The following ROCK2 variants were observed in gnomAD, a reference collection of about 807,000 sequenced individuals.
ROCK2 encodes the protein Rho associated coiled-coil containing protein kinase 2.
A neutral mutation model predicts 195.1 loss-of-function variants in ROCK2; 61 were observed. The ratio of observed to expected loss-of-function variants is 0.31; its 90% CI spans 0.25 to 0.39. The LOEUF is 0.39. ROCK2 is among the 10% of genes least tolerant of loss of function. The pLI is 1.00. For synonymous variants in ROCK2, 504 were observed against 545.5 expected (o/e 0.92, Z 1.06); for missense variants, 1,109 against 1,637.4 (o/e 0.68, Z 5.57).
chr2:11,233,195 T>C (rs776899664), intron 5 of ROCK2, among the ~76,000 whole-genome samples: 2 of 152,142 alleles, frequency 1.3e-5, no homozygotes, highest in Non-Finnish European at 2.9e-5. Flanking sequence ...GCCTGGGCAA[T>C]AGAGGAGACC....
intron 1 of ROCK2, among the ~76,000 whole-genome samples, chr2:11,303,183 T>C (rs545241259): frequency 6.6e-6 from 1 of 152,342 alleles, no homozygotes; most frequent in Admixed American, 6.5e-5. Flanking sequence ...ATCTTCAGGA[T>C]CCTCCAGGAT....
At chr2:11,281,830 A>C (rs1667013442) in intron 3 of ROCK2, among the ~76,000 whole-genome samples, 1 of 152,180 alleles carries the variant, frequency 6.6e-6, no homozygotes, top group South Asian at 2.1e-4. Context: ...GAAAACTACA[A>C]AACTCTGATG....
chr2:11,253,736 A>ATTTAT (rs1665917971), intron 3 of ROCK2, among the ~76,000 whole-genome samples: 1 of 152,272 alleles, frequency 6.6e-6, no homozygotes, highest in Admixed American at 6.5e-5. Flanking sequence ...ATCTGCAAAA[A>ATTTAT]TTTATTTTAA....
chr2:11,239,551 T>C (rs9287728), intron 4 of ROCK2, among the ~76,000 whole-genome samples: 135,061 of 152,156 alleles, frequency 0.89, 60,104 homozygotes, highest in East Asian at 0.99. Flanking sequence ...GAAATATATC[T>C]GCCAAAGACT....
At chr2:11,204,583 C>T (rs1317979277) in intron 20 of ROCK2, among the ~76,000 whole-genome samples, 1 of 151,910 alleles carries the variant, frequency 6.6e-6, no homozygotes, top group African/African-American at 2.4e-5. Context: ...TAGAACAGTC[C>T]CTCTGGGCCT....
intron 3 of ROCK2, among the ~76,000 whole-genome samples, chr2:11,264,403 G>C (rs1572331562): frequency 6.8e-6 from 1 of 147,512 alleles, no homozygotes; most frequent in Non-Finnish European, 1.5e-5. Flanking sequence ...AGAAAAAAGA[G>C]TAATCAGTGA....
intron 1 of ROCK2, among the ~76,000 whole-genome samples, chr2:11,342,205 A>T (rs1239143912): frequency 6.6e-6 from 1 of 152,218 alleles, no homozygotes; most frequent in Admixed American, 6.5e-5. Context: ...AACTAGAAAC[A>T]GCAATAACAG....
intron 2 of ROCK2, among the ~76,000 whole-genome samples, chr2:11,287,076 TA>T (rs1160054083): frequency 6.6e-6 from 1 of 152,194 alleles, no homozygotes; most frequent in Non-Finnish European, 1.5e-5. Flanking sequence ...TAACTATAGA[TA>T]AGATTGTTTA....
At chr2:11,285,610 T>C (rs539207926) in intron 3 of ROCK2, among the ~76,000 whole-genome samples, 8 of 152,068 alleles carry the variant, frequency 5.3e-5, no homozygotes, top group Admixed American at 5.2e-4. Flanking sequence ...GTAGATCCCT[T>C]GAGTCCAGAA....
At chr2:11,190,685 A>G (rs1389625136) in intron 32 of ROCK2, among the ~76,000 whole-genome samples, 1 of 152,178 alleles carries the variant, frequency 6.6e-6, no homozygotes, top group Non-Finnish European at 1.5e-5. Flanking sequence ...ATTCCATAGG[A>G]CTATTTTAAA....
chr2:11,339,542 CA>C (rs11309296), intron 1 of ROCK2, among the ~76,000 whole-genome samples: 103,213 of 144,994 alleles, frequency 0.71, 40,143 homozygotes, highest in East Asian at 0.98. Context: ...AAAAAAAAAA[CA>C]AAAAAAAAAG....
chr2:11,196,437 G>A (rs960260308), intron 27 of ROCK2, among the ~76,000 whole-genome samples: 2 of 152,118 alleles, frequency 1.3e-5, no homozygotes, highest in Admixed American at 6.5e-5. Flanking sequence ...GAAACCATGC[G>A]CTCTTAAGCA....
chr2:11,189,065 AGATGTAAT>A (rs1383322265), intron 32 of ROCK2, among the ~76,000 whole-genome samples: 1 of 152,074 alleles, frequency 6.6e-6, no homozygotes, highest in Non-Finnish European at 1.5e-5. Context: ...GAAGAGAAAA[AGATGTAAT>A]GATGTAATGG....
chr2:11,271,841 C>CA (rs1472217763), intron 3 of ROCK2, among the ~76,000 whole-genome samples: 5 of 151,966 alleles, frequency 3.3e-5, no homozygotes, highest in Admixed American at 2.0e-4. Context: ...TCCTGGCTAA[C>CA]ACGGTGAAAC....
Position 11,180,883 on chromosome 2 carries a change from C to T in ROCK2, c.*2554G>A, listed in dbSNP as rs1034158928. The T allele has an allele frequency of 1.3e-5, 2 of 152,080 alleles. No individual in the cohort carries two copies. Among genetic ancestry groups the T allele is most frequent in the Non-Finnish European group, 2.9e-5 (2 of 68,012 alleles). 9.4% of individuals were successfully genotyped at this position (152,080 alleles called of 1,614,324 possible). On this transcript the variant is annotated 3_prime_UTR_variant, in exon 33 of 33. Coordinates refer to ENST00000315872, the MANE Select transcript of ROCK2 (RefSeq NM_004850.5). ...TAAAAAGCGAATTCTTACCCAAGGT[C>T]AGAATTTTTTATTAAGCGCATTTTC...
chr2:11,339,796 A>G (rs1328513564), intron 1 of ROCK2, among the ~76,000 whole-genome samples: 1 of 152,194 alleles, frequency 6.6e-6, no homozygotes, highest in African/African-American at 2.4e-5. Flanking sequence ...AAGCAAAGGA[A>G]CAATAAAATG....
chr2:11,327,988 C>A (rs1668598773), intron 1 of ROCK2, among the ~76,000 whole-genome samples: 1 of 152,174 alleles, frequency 6.6e-6, no homozygotes, highest in African/African-American at 2.4e-5. Context: ...TCCAGGTACA[C>A]ACAAGGGCAA....
chr2:11,232,976 G>A (rs1007261696), intron 5 of ROCK2, among the ~76,000 whole-genome samples: 2 of 152,198 alleles, frequency 1.3e-5, no homozygotes, highest in Non-Finnish European at 2.9e-5. Flanking sequence ...CATTTTAGGA[G>A]GCTGAGGCAG....
At chr2:11,250,153 A>T (rs1665781071) in intron 3 of ROCK2, among the ~76,000 whole-genome samples, 1 of 152,226 alleles carries the variant, frequency 6.6e-6, no homozygotes, top group Non-Finnish European at 1.5e-5. Flanking sequence ...TCTACTGAAA[A>T]AAAACCATTT....
Sources: allele counts gnomAD v4.1 joint callset (sites outside exome capture counted in the v4.1 genomes callset), GRCh38; gene constraint gnomAD v4.1.1; transcripts MANE v1.5; gene names NCBI Gene and HGNC (gene_info 2026-07-23, HGNC 2026-07-21).